Variants in PNPLA8 observed in about 807,000 individuals in gnomAD.
PNPLA8 encodes the protein calcium-independent phospholipase A2-gamma.
Under a neutral mutation model 76.9 loss-of-function variants are expected in PNPLA8, and 39 were observed. The observed-to-expected ratio is 0.51, with a 90% CI of 0.39 to 0.66. The LOEUF (loss-of-function observed/expected upper bound fraction) is 0.66. Among genes scored for constraint, PNPLA8 ranks in the 30% least tolerant of loss-of-function variants. PNPLA8 has a pLI of 0.00. For synonymous variants in PNPLA8, 301 were observed against 307.9 expected, an observed-to-expected ratio of 0.98 and a Z score of 0.24; for missense variants, 887 against 918.0, an observed-to-expected ratio of 0.97 and a Z score of 0.44.
At chr7:108,488,054 C>A (rs1860875871) in intron 8 of PNPLA8, 101 bp from the exon 9 acceptor site, 1 of 560,232 alleles carries the variant, frequency 1.8e-6, no homozygotes, top group Admixed American at 3.3e-5. Context: ...CAATCTACAA[C>A]TATATGTGTA....
chr7:108,477,149 C>T (rs1860056869), intron 10 of PNPLA8, among the ~76,000 whole-genome samples: 1 of 152,172 alleles, frequency 6.6e-6, no homozygotes, highest in Non-Finnish European at 1.5e-5. Flanking sequence ...TTACCAGGCA[C>T]ACACAAAATA....
At chr7:108,527,236 T>A (rs539848845), upstream of PNPLA8, among the ~76,000 whole-genome samples, 71 of 152,340 alleles carry the variant, frequency 4.7e-4, no homozygotes, top group South Asian at 0.014. Context: ...CTTTGACCTG[T>A]CAAATGTAGT....
intron 1 of PNPLA8, among the ~76,000 whole-genome samples, chr7:108,525,219 G>A (rs1427188883): frequency 6.6e-6 from 1 of 152,144 alleles, no homozygotes; most frequent in East Asian, 1.9e-4. Flanking sequence ...TGCCTCACAA[G>A]GCATAAGCTC....
At chr7:108,508,648 C>T (rs1862639898) in intron 4 of PNPLA8, among the ~76,000 whole-genome samples, 1 of 135,406 alleles carries the variant, frequency 7.4e-6, no homozygotes, top group East Asian at 2.2e-4. Flanking sequence ...CTACCAATGA[C>T]TTTCTTCACA....
chr7:108,487,921 C>T lies in PNPLA8; in HGVS notation c.1716G>A (p.Gly572=), dbSNP rs1563943237. The change falls in exon 9 of 11, where the codon GGG becomes GGA. Residue 572 remains glycine (G), a synonymous_variant. Transcript: ENST00000257694. The part of the protein sequence containing the change: ...VAAVSTIVNR[G]ITPKAFVFRN... Reference sequence around the variant, plus strand: ...TGAACACAAAAGCTTTGGGTGTTATCCCTCTATTTACTATGGTACTTACAG... The same window carrying T: ...TGAACACAAAAGCTTTGGGTGTTATTCCTCTATTTACTATGGTACTTACAG... 3.1e-6 allele frequency: 5 copies of T among 1,612,652 alleles called. No individual in the cohort carries two copies. The highest frequency in any genetic ancestry group is 2.2e-5 in the East Asian group (1 of 44,822).
intron 2 of PNPLA8, among the ~76,000 whole-genome samples, chr7:108,519,313 T>A (rs1863577376): frequency 6.6e-6 from 1 of 152,006 alleles, no homozygotes; most frequent in African/African-American, 2.4e-5. Flanking sequence ...GGTGGGAGGA[T>A]TACTTGAGCC....
At chr7:108,517,444 C>G (rs1472367606) in intron 2 of PNPLA8, among the ~76,000 whole-genome samples, 1 of 152,202 alleles carries the variant, frequency 6.6e-6, no homozygotes, top group Non-Finnish European at 1.5e-5. Flanking sequence ...ATAATAAAAT[C>G]TGCACGAGGA....
At chr7:108,476,069 C>A (rs1007205558) in intron 10 of PNPLA8, among the ~76,000 whole-genome samples, 1 of 152,202 alleles carries the variant, frequency 6.6e-6, no homozygotes, top group African/African-American at 2.4e-5. Context: ...TAGTCTTAAT[C>A]ACTTACAATC....
At chr7:108,507,237 G>GGA (rs1384279031) in intron 4 of PNPLA8, among the ~76,000 whole-genome samples, 2 of 151,306 alleles carry the variant, frequency 1.3e-5, no homozygotes, top group African/African-American at 2.4e-5. Context: ...CAGCTACTCG[G>GGA]GAGGCTGAGG....
intron 10 of PNPLA8, 24 bp from the exon 11 acceptor site, chr7:108,472,699 A>T (rs1032611198): frequency 6.6e-7 from 1 of 1,516,576 alleles, no homozygotes. Flanking sequence ...AAAGAAAAGG[A>T]TAAGGGGATA....
intron 5 of PNPLA8, among the ~76,000 whole-genome samples, chr7:108,500,870 C>T (rs1476368295): frequency 1.3e-5 from 2 of 151,904 alleles, no homozygotes; most frequent in African/African-American, 2.4e-5. Context: ...GCCGAGATCA[C>T]GTCACTGCAC....
In PNPLA8 at chr7:108,514,152, C is replaced by T; in HGVS notation, c.1198G>A (p.Ala400Thr). 6.3e-7 allele frequency: 1 copy of T among 1,597,282 alleles called. No individual in the cohort carries two copies. The highest frequency in any genetic ancestry group is 8.6e-7 in the Non-Finnish European group (1 of 1,169,514). ...LLEFPEGKGV[A>T]VKERIIPYLL... ...AATAAATTAGAAATTACCTTGACAGCCACTCCTTTTCCTTCAGGAAATTCT... is the reference window on the plus strand; with the variant it reads ...AATAAATTAGAAATTACCTTGACAGTCACTCCTTTTCCTTCAGGAAATTCT... Residue 400 changes from alanine to threonine, a missense_variant, in exon 4 of 11, where the codon GCT becomes ACT. Transcript: ENST00000257694.
chr7:108,511,419 A>C (rs1380347348), intron 4 of PNPLA8, among the ~76,000 whole-genome samples: 3 of 152,226 alleles, frequency 2.0e-5, no homozygotes, highest in African/African-American at 7.2e-5. Context: ...ATTATGAGGC[A>C]CATGACATTA....
intron 4 of PNPLA8, chr7:108,510,859 C>T (rs1301600196): frequency 6.3e-7 from 1 of 1,596,184 alleles, no homozygotes; most frequent in Admixed American, 1.7e-5. Flanking sequence ...TCCTGTGGCC[C>T]TTCAAATTGT....
In PNPLA8 at chr7:108,470,436, G is replaced by T. The variant is rs958764099; in HGVS notation, c.*1965C>A. On this transcript the variant is annotated 3_prime_UTR_variant, in exon 11 of 11. Transcript: ENST00000257694. ...CATGGCCAGAGTTCACTTGTGTAAT[G>T]TATTATTTAAGAAAGAAATAAGCCA... 2.0e-5 allele frequency: 3 copies of T among 146,470 alleles called. No individual in the cohort carries two copies. In the Admixed American group the frequency reaches 2.1e-4, roughly 10 times the overall value. The allele number at this position is 146,470 out of a possible 1,614,324, so 9.1% of individuals were successfully genotyped here. A position where few individuals can be genotyped will look rare whatever the true frequency, so the allele number is the denominator to read the frequency against.
At chr7:108,515,931 C>CA (rs1863308122) in intron 2 of PNPLA8, among the ~76,000 whole-genome samples, 1 of 152,084 alleles carries the variant, frequency 6.6e-6, no homozygotes, top group African/African-American at 2.4e-5. Context: ...CTTTATGTGA[C>CA]ACTAGACTTT....
At chr7:108,511,314 A>G (rs187486377) in intron 4 of PNPLA8, among the ~76,000 whole-genome samples, 149 of 152,296 alleles carry the variant, frequency 9.8e-4, no homozygotes, top group African/African-American at 3.4e-3. Context: ...CAATTGTCCA[A>G]TGAGAAGCAG....
At chr7:108,493,193 C>G (rs113757253) in intron 7 of PNPLA8, among the ~76,000 whole-genome samples, 4 of 152,020 alleles carry the variant, frequency 2.6e-5, no homozygotes, top group Non-Finnish European at 4.4e-5. Flanking sequence ...AAACAACTAA[C>G]GACACTGATA....
Position 108,502,662 on chromosome 7 carries a change from A to C in PNPLA8, c.1207-20T>G, listed in dbSNP as rs140458165. 3 of 1,583,314 alleles carry C rather than the reference A, an allele frequency of 1.9e-6. No individual in the cohort carries two copies. Among genetic ancestry groups the C allele is most frequent in the Non-Finnish European group, 2.6e-6 (3 of 1,156,110 alleles). ...TCTTTCCTATATTGAGAGAAAAGAT[A>C]CTTTGTTGCTTTTGTCAAATCAAGA... On this transcript the variant is annotated intron_variant, in intron 4 of 10. Transcript: ENST00000257694.
Sources: allele counts gnomAD v4.1 joint callset (sites outside exome capture counted in the v4.1 genomes callset), GRCh38; gene constraint gnomAD v4.1.1; transcripts MANE v1.5; gene names NCBI Gene and HGNC (gene_info 2026-07-23, HGNC 2026-07-21).